SCLT1: variants seen among roughly 807,000 people sequenced by gnomAD.
The protein encoded by SCLT1 is sodium channel-associated protein 1.
A neutral mutation model predicts 112.8 loss-of-function variants in SCLT1; 78 were observed. That is an observed-to-expected ratio of 0.69 (90% confidence interval 0.58 to 0.83). SCLT1 has a LOEUF of 0.83. Among genes scored for constraint, SCLT1 ranks in the 40% least tolerant of loss-of-function variants. The pLI is 0.00. For missense variants in SCLT1, 747 were observed against 770.4 expected (o/e 0.97, Z 0.36); for synonymous variants, 257 against 254.7 (o/e 1.01, Z -0.09).
intron 5 of SCLT1, among the ~76,000 whole-genome samples, chr4:129,008,207 G>C (rs1184533067): frequency 6.6e-6 from 1 of 151,990 alleles, no homozygotes; most frequent in East Asian, 1.9e-4. Context: ...TTGGGATTTG[G>C]ATTAATTCTG....
chr4:128,936,941 T>C, intron 17 of SCLT1, 90 bp from the exon 18 acceptor site: 2 of 566,518 alleles, frequency 3.5e-6, no homozygotes, highest in Non-Finnish European at 5.6e-6. Flanking sequence ...TCATTCATTA[T>C]GTTGTCTGAG....
At position 129,043,403 on chromosome 4, in the gene SCLT1, A is replaced by G; in HGVS notation, c.226T>C (p.Tyr76His). ...HLGELNGQLK[Y>H]YQKQVGEMKL... The stretch of plus-strand genomic sequence containing the variant: ...TAACTATGATTTCATACCTGGTAAT[A>G]TTTCAGCTGCCCATTTAGTTCTCCT... Residue 76 changes from tyrosine to histidine, a missense_variant, in exon 4 of 21, where the codon TAT becomes CAT. Around this residue, in one of 2 missense-constraint regions of SCLT1, gnomAD observed 723 missense variants for 721.3 expected, o/e 1.00. Transcript: ENST00000281142. 1 of 1,499,826 alleles carries G rather than the reference A, an allele frequency of 6.7e-7. No homozygotes were observed. 92.9% of individuals were successfully genotyped at this position (1,499,826 alleles called of 1,614,324 possible).
At position 128,948,590 on chromosome 4, in the gene SCLT1, T is replaced by C; in HGVS notation, c.1219-20A>G. ...ACACTCCTATAAATTCAAGTCATAT[T>C]GTAAATATATACATTTGGTAACATC... is the stretch of plus-strand genomic sequence containing the variant. On this transcript the variant is annotated intron_variant, in intron 14 of 20. Coordinates refer to ENST00000281142, the MANE Select transcript of SCLT1 (RefSeq NM_144643.4). 1 of 1,548,038 alleles carries C rather than the reference T, an allele frequency of 6.5e-7. No individual in the cohort carries two copies. The highest frequency in any genetic ancestry group is 1.1e-5 in the South Asian group (1 of 88,206).
Position 129,069,030 on chromosome 4 carries a change from A to G in SCLT1, c.102+13276T>C, listed in dbSNP as rs1414256277. 2.0e-5 allele frequency among the ~76,000 whole-genome samples: 3 copies of G among 152,236 alleles called. No individual in the cohort carries two copies. In the East Asian group the frequency reaches 5.8e-4, roughly 29 times the overall value. ...TCCCTGCACGATTTGTTGAAAAGGG[A>G]GTCCTTTCCCCACTTGATGTTTTTG... On this transcript the variant is annotated intron_variant, in intron 2 of 20. Transcript: ENST00000281142.
At chr4:129,041,591 A>T (rs1747698976) in intron 4 of SCLT1, among the ~76,000 whole-genome samples, 1 of 152,306 alleles carries the variant, frequency 6.6e-6, no homozygotes, top group Middle Eastern at 3.4e-3. Context: ...TAAATATTTA[A>T]GGGCCTACTA....
chr4:129,024,383 C>T (rs1452050921), intron 5 of SCLT1, among the ~76,000 whole-genome samples: 2 of 152,170 alleles, frequency 1.3e-5, no homozygotes, highest in Non-Finnish European at 2.9e-5. Context: ...GCAGCATTCG[C>T]GATTCACGAA....
intron 18 of SCLT1, among the ~76,000 whole-genome samples, chr4:128,935,862 T>A (rs776922029): frequency 6.6e-6 from 1 of 152,142 alleles, no homozygotes; most frequent in African/African-American, 2.4e-5. Flanking sequence ...ATCATGTGTA[T>A]GTTAATGATT....
intron 9 of SCLT1, among the ~76,000 whole-genome samples, chr4:128,988,070 A>G (rs1205636519): frequency 6.6e-6 from 1 of 152,172 alleles, no homozygotes; most frequent in African/African-American, 2.4e-5. Context: ...TGTTAAAGGG[A>G]GTTCTTCAAT....
chr4:128,984,906 T>G (rs935331797), intron 9 of SCLT1, among the ~76,000 whole-genome samples: 1 of 151,434 alleles, frequency 6.6e-6, no homozygotes, highest in Non-Finnish European at 1.5e-5. Context: ...TCCTCAGATA[T>G]ACACATTTAC....
intron 5 of SCLT1, among the ~76,000 whole-genome samples, chr4:129,023,281 A>G (rs1745663375): frequency 6.6e-6 from 1 of 152,202 alleles, no homozygotes; most frequent in Non-Finnish European, 1.5e-5. Context: ...GACAGGATCA[A>G]ATTCACACAC....
At chr4:129,028,833 A>C (rs540982503) in intron 5 of SCLT1, among the ~76,000 whole-genome samples, 1 of 150,982 alleles carries the variant, frequency 6.6e-6, no homozygotes, top group African/African-American at 2.4e-5. Context: ...ATTTACAACA[A>C]AAAAAAAACC....
At chr4:129,001,503 G>A (rs868761861) in intron 6 of SCLT1, among the ~76,000 whole-genome samples, 6 of 151,894 alleles carry the variant, frequency 4.0e-5, no homozygotes, top group Middle Eastern at 3.4e-3. Flanking sequence ...GTTTCATTAC[G>A]ATAAATATTA....
At chr4:128,897,975 A>G (rs1034649468) in intron 18 of SCLT1, among the ~76,000 whole-genome samples, 10 of 152,236 alleles carry the variant, frequency 6.6e-5, no homozygotes, top group African/African-American at 1.2e-4. Context: ...AGAGCTAACT[A>G]TCTTAAATAT....
At position 128,949,958 on chromosome 4, in the gene SCLT1, A is replaced by G. The variant is rs543466777; in HGVS notation, c.1219-1388T>C. On this transcript the variant is annotated intron_variant, in intron 14 of 20. Transcript: ENST00000281142. Reference sequence around the variant, plus strand: ...TTTTATAGAAGAAGTGTATTTCAATATGTTTTTAAATTTTAAAGTAAGCTT... The same window carrying G: ...TTTTATAGAAGAAGTGTATTTCAATGTGTTTTTAAATTTTAAAGTAAGCTT... Among the ~76,000 whole-genome samples the G allele has an allele frequency of 6.4e-5, 8 of 125,336 alleles. No homozygotes were observed. The South Asian group carries it at 1.8e-3, about 28-fold the overall frequency. 82.2% of individuals were successfully genotyped at this position (125,336 alleles called of 152,430 possible). A position where few individuals can be genotyped will look rare whatever the true frequency, so the allele number is the denominator to read the frequency against.
At chr4:129,028,371 C>T (rs568443808) in intron 5 of SCLT1, among the ~76,000 whole-genome samples, 16 of 152,082 alleles carry the variant, frequency 1.1e-4, no homozygotes, top group African/African-American at 3.1e-4. Context: ...GAAATAACAC[C>T]GCATATCTAC....
intron 5 of SCLT1, among the ~76,000 whole-genome samples, chr4:129,031,614 T>C (rs1024719550): frequency 2.6e-5 from 4 of 152,050 alleles, no homozygotes; most frequent in South Asian, 2.1e-4. Context: ...TTCAGCAAAG[T>C]CTCAGGATAC....
downstream of SCLT1, among the ~76,000 whole-genome samples, chr4:128,880,056 T>C (rs1270656389): frequency 6.6e-6 from 1 of 152,198 alleles, no homozygotes; most frequent in African/African-American, 2.4e-5. Flanking sequence ...CTAAGAAGGC[T>C]AACTTACTTT....
intron 7 of SCLT1, 27 bp downstream of exon 7, chr4:128,999,645 C>A: frequency 6.3e-7 from 1 of 1,580,610 alleles, no homozygotes; most frequent in Non-Finnish European, 8.6e-7. Flanking sequence ...TATTGATATA[C>A]AAGAAAATGA....
At chr4:128,957,823 T>G (rs1251583000) in intron 12 of SCLT1, among the ~76,000 whole-genome samples, 2 of 152,166 alleles carry the variant, frequency 1.3e-5, no homozygotes, top group Non-Finnish European at 2.9e-5. Context: ...CTTGAAATAT[T>G]TACTTTCCTC....
Sources: allele counts gnomAD v4.1 joint callset (sites outside exome capture counted in the v4.1 genomes callset), GRCh38; gene constraint gnomAD v4.1.1; regional missense constraint gnomAD v4.1.1; transcripts MANE v1.5; gene names NCBI Gene and HGNC (gene_info 2026-07-23, HGNC 2026-07-21).